EMD: variants seen among roughly 807,000 people sequenced by gnomAD.
EMD encodes the protein emerin.
In EMD, 2 loss-of-function variants were observed where a neutral mutation model predicts 15.2. That is an observed-to-expected ratio of 0.13 (90% CI 0.05 to 0.41). The LOEUF is 0.41. Ranked by LOEUF, EMD falls within the 10% of genes least tolerant of loss-of-function variation. EMD has a pLI of 0.99. For synonymous variants in EMD, 122 were observed against 86.2 expected (o/e 1.42, Z -2.30); for missense variants, 224 against 213.4 (o/e 1.05, Z -0.31).
rs782375610 is a variant in EMD at position 154,380,718 on chromosome X, C to G, written c.400-35C>G. ...ACATGACAGGGCCATGGTGGCCCTG[C>G]CAGCCAGTCCCCTCGCCCTGACTCT... On this transcript the variant is annotated intron_variant, in intron 4 of 5. Transcript: ENST00000369842. The G allele has an allele frequency of 3.3e-6, 4 of 1,207,092 alleles. No homozygotes were observed. In the African/African-American group the frequency reaches 7.0e-5, roughly 21 times the overall value.
chrX:154,381,320 C>A lies in EMD; in HGVS notation c.*123C>A. 1.1e-6 allele frequency: 1 copy of A among 949,883 alleles called. No homozygotes were observed. The highest frequency in any genetic ancestry group is 1.4e-6 in the Non-Finnish European group (1 of 700,179). 78.3% of individuals were successfully genotyped at this position (949,883 alleles called of 1,213,427 possible). A position where few individuals can be genotyped will look rare whatever the true frequency, so the allele number is the denominator to read the frequency against. On this transcript the variant is annotated 3_prime_UTR_variant, in exon 6 of 6. Coordinates refer to ENST00000369842, the MANE Select transcript of EMD (RefSeq NM_000117.3). ...GCTTTATGTGTTTTTGCTTGGGGGG[C>A]GCTGGGCCTAGCCCAGAGTAGTGCT... is the stretch of plus-strand genomic sequence containing the variant.
rs2067886244 is a variant in EMD at position 154,381,119 on chromosome X, G to A, written c.687G>A (p.Leu229=). 8.3e-7 allele frequency: 1 copy of A among 1,212,018 alleles called. No homozygotes were observed. Among genetic ancestry groups the A allele is most frequent in the South Asian group, 1.8e-5 (1 of 56,999 alleles). ...GCCAGGTCCCGCTCTGGGGCCAGCT[G>A]CTGCTTTTCCTGGTCTTTGTGATCG... ...QDRQVPLWGQ[L]LLFLVFVIVL... is the part of the protein sequence containing the mutation. Residue 229 remains leucine, a synonymous_variant, in exon 6 of 6, where the codon CTG becomes CTA. Transcript: ENST00000369842.
In EMD at chrX:154,379,686, C is replaced by T; in HGVS notation, c.83-4C>T. 1 of 1,208,873 alleles carries T rather than the reference C, an allele frequency of 8.3e-7. No individual in the cohort carries two copies. Among genetic ancestry groups the T allele is most frequent in the South Asian group, 1.8e-5 (1 of 56,920 alleles). ...GCGGCCCTGACCGCCCCGTGTCCGGCCAGGATCAACTCGTAGGCTTTACGA... is the reference window on the plus strand; with the variant it reads ...GCGGCCCTGACCGCCCCGTGTCCGGTCAGGATCAACTCGTAGGCTTTACGA... On this transcript the variant is annotated splice_region_variant and splice_polypyrimidine_tract_variant and intron_variant, in intron 1 of 5. Transcript: ENST00000369842.
At chrX:154,380,444 G>A in intron 4 of EMD, 77 bp downstream of exon 4, 3 of 1,196,185 alleles carry the variant, frequency 2.5e-6, no homozygotes, top group Middle Eastern at 2.3e-4. Flanking sequence ...ATCCAGGGGG[G>A]CACTGGGTAC....
chrX:154,381,183 G>A lies in EMD; in HGVS notation c.751G>A (p.Gly251Ser). 1 of 1,196,624 alleles carries A rather than the reference G, an allele frequency of 8.4e-7. No homozygotes were observed. Residue 251 changes from glycine to serine, a missense_variant, in exon 6 of 6, where the codon GGC becomes AGC. Physicochemically the swap from Gly to Ser is moderately conservative, Grantham distance 56. Transcript: ENST00000369842. ...TTACCACTTCATGCAGGCTGAAGAA[G>A]GCAACCCCTTCTAGAGGGAGCCATG... ...FIYHFMQAEE[G>S]NPF is the part of the protein sequence containing the mutation.
In EMD at chrX:154,379,443, GC is replaced by G; in HGVS notation, c.-39del. On this transcript the variant is annotated 5_prime_UTR_variant, in exon 1 of 6. Coordinates refer to ENST00000369842, the MANE Select transcript of EMD (RefSeq NM_000117.3). ...GCCGTTGCTCGGCCGGTTTTGGTAG[GC>G]CCGGGCCGCCGCCAGGCCTCCGCCT... 1 of 1,156,904 alleles carries G rather than the reference GC, an allele frequency of 8.6e-7. No homozygotes were observed. Among genetic ancestry groups the G allele is most frequent in the Non-Finnish European group, 1.2e-6 (1 of 865,895 alleles).
At chrX:154,379,625 C>G in intron 1 of EMD, 59 bp downstream of exon 1, 1 of 1,196,622 alleles carries the variant, frequency 8.4e-7, no homozygotes, top group East Asian at 3.0e-5. Context: ...GCCTCGCGAC[C>G]TCCCCGCTGC....
chrX:154,379,590 C>T (rs1472809422), intron 1 of EMD, 24 bp downstream of exon 1: 4 of 1,173,776 alleles, frequency 3.4e-6, no homozygotes, highest in Non-Finnish European at 4.6e-6. Flanking sequence ...GGCGGGACCC[C>T]TTCCGGGCCC....
chrX:154,379,591 T>C (rs1557182231), intron 1 of EMD, 25 bp downstream of exon 1: 1 of 1,173,781 alleles, frequency 8.5e-7, no homozygotes, highest in Non-Finnish European at 1.1e-6. Context: ...GCGGGACCCC[T>C]TCCGGGCCCC....
chrX:154,379,538 G>A lies in EMD; in HGVS notation c.54G>A (p.Arg18=), dbSNP rs1557182200. The change falls in exon 1 of 6, where the codon CGG becomes CGA. Residue 18 remains arginine, a synonymous_variant. Transcript: ENST00000369842. ...CCGAGCTGACCACCTTGCTGCGCCGGTACAACATCCCGCACGGGCCTGTAG... is the reference window on the plus strand; with the variant it reads ...CCGAGCTGACCACCTTGCTGCGCCGATACAACATCCCGCACGGGCCTGTAG... ...SDTELTTLLR[R]YNIPHGPVVG... is the part of the protein sequence containing the mutation. 8.5e-7 allele frequency: 1 copy of A among 1,170,780 alleles called. No individual in the cohort carries two copies.
At position 154,380,886 on chromosome X, in the gene EMD, C is replaced by A. The variant is rs376456050; in HGVS notation, c.454C>A (p.Arg152Ser). The change falls in exon 6 of 6, where the codon CGC (arginine) becomes AGC (serine). Residue 152 changes from arginine (R) to serine (S), a missense_variant. By Grantham distance (110) the Arg-to-Ser change is moderately radical. Coordinates refer to ENST00000369842, the MANE Select transcript of EMD (RefSeq NM_000117.3). ...TGCTCCCCTCTTTTGCCTCAGGGAA[C>A]GCCCCATGTACGGCCGGGACAGTGC... ...SSEEECKDRERPMYGRDSAYQ... is the reference protein window; with the variant it reads ...SSEEECKDRESPMYGRDSAYQ... 6 of 1,210,546 alleles carry A rather than the reference C, an allele frequency of 5.0e-6. No individual in the cohort carries two copies. Among genetic ancestry groups the A allele is most frequent in the Non-Finnish European group, 6.7e-6 (6 of 895,238 alleles).
chrX:154,379,960 G>A lies in EMD; in HGVS notation c.206G>A (p.Gly69Glu), dbSNP rs782578669. ...AATCCAGACTTGAATTCGACTAGAG[G>A]GGATGCAGATATGTATGATCTTCCC... ...YSFSDLNSTR[G>E]DADMYDLPKK... The change falls in exon 3 of 6, where the codon GGG becomes GAG. Residue 69 changes from glycine to glutamate, a missense_variant. Physicochemically the swap from Gly to Glu is moderately conservative, Grantham distance 98. Coordinates refer to ENST00000369842, the MANE Select transcript of EMD (RefSeq NM_000117.3). 2.5e-6 allele frequency: 3 copies of A among 1,209,395 alleles called. No individual in the cohort carries two copies. Among genetic ancestry groups the A allele is most frequent in the Admixed American group, 4.4e-5 (2 of 45,816 alleles).
At chrX:154,379,909 G>T (rs781912915) in intron 2 of EMD, 33 bp from the exon 3 acceptor site, 1 of 1,198,809 alleles carries the variant, frequency 8.3e-7, no homozygotes, top group Non-Finnish European at 1.1e-6. Flanking sequence ...AGTCTGGGGG[G>T]GCAAACAGTT....
chrX:154,379,768 C>T lies in EMD; in HGVS notation c.161C>T (p.Ser54Phe). The change falls in exon 2 of 6, where the codon TCC becomes TTC. Residue 54 changes from serine (S) to phenylalanine (F), a missense_variant. By Grantham distance (155) the Ser-to-Phe change is radical (BLOSUM62 -2). Transcript: ENST00000369842. ...QRRRLSPPSS[S>F]AASSYSFSDL... Reference sequence around the variant, plus strand: ...CGGCGGCTCTCGCCCCCCAGCTCGTCCGCCGCCTCCTCTTATAGCTTCTCT... The same window carrying T: ...CGGCGGCTCTCGCCCCCCAGCTCGTTCGCCGCCTCCTCTTATAGCTTCTCT... The T allele has an allele frequency of 8.3e-7, 1 of 1,205,763 alleles. No individual in the cohort carries two copies. The highest frequency in any genetic ancestry group is 1.1e-6 in the Non-Finnish European group (1 of 892,863).
In EMD at chrX:154,379,794, G is replaced by A. The variant is rs1557182319; in HGVS notation, c.187G>A (p.Asp63Asn). Residue 63 changes from aspartate (D) to asparagine (N), a missense_variant and splice_region_variant, in exon 2 of 6, where the codon GAC becomes AAC. Transcript: ENST00000369842. The stretch of plus-strand genomic sequence containing the variant: ...CGCCGCCTCCTCTTATAGCTTCTCT[G>A]GTGAGAGCCTCGCCTGTGGGGACAG... ...SSAASSYSFS[D>N]LNSTRGDADM... is the part of the protein sequence containing the mutation. 8.3e-7 allele frequency: 1 copy of A among 1,202,781 alleles called. No homozygotes were observed. Among genetic ancestry groups the A allele is most frequent in the Non-Finnish European group, 1.1e-6 (1 of 889,267 alleles).
chrX:154,379,914 A>G, intron 2 of EMD, 28 bp from the exon 3 acceptor site: 1 of 1,203,247 alleles, frequency 8.3e-7, no homozygotes, highest in East Asian at 3.0e-5. Context: ...GGGGGGGCAA[A>G]CAGTTCTGTC....
Position 154,380,268 on chromosome X carries a change from C to T in EMD, c.300C>T (p.Phe100=), listed in dbSNP as rs782434595. ...YNDDYYEESY[F]TTRTYGEPES... ...ACGACTACTATGAAGAGAGCTACTT[C>T]ACCACCAGGACTTATGGGGAGCCCG... Residue 100 remains phenylalanine, a synonymous_variant, in exon 4 of 6, where the codon TTC becomes TTT. Transcript: ENST00000369842. 8.3e-7 allele frequency: 1 copy of T among 1,211,601 alleles called. No individual in the cohort carries two copies. The highest frequency in any genetic ancestry group is 1.8e-5 in the South Asian group (1 of 57,046).
intron 4 of EMD, 162 bp downstream of exon 4, chrX:154,380,529 C>G: frequency 2.1e-6 from 2 of 939,388 alleles, no homozygotes; most frequent in Admixed American, 2.6e-5. Context: ...GGCTCAGACT[C>G]TTCCTGAGAG....
Position 154,379,543 on chromosome X carries a change from A to G in EMD, c.59A>G (p.Asn20Ser). The change falls in exon 1 of 6, where the codon AAC (asparagine) becomes AGC (serine). Residue 20 changes from asparagine to serine, a missense_variant. By Grantham distance (46) the Asn-to-Ser change is conservative. Transcript: ENST00000369842. ...TELTTLLRRY[N>S]IPHGPVVGST... ...CTGACCACCTTGCTGCGCCGGTACA[A>G]CATCCCGCACGGGCCTGTAGTAGGT... The G allele has an allele frequency of 4.3e-6, 5 of 1,170,105 alleles. No individual in the cohort carries two copies. Among genetic ancestry groups the G allele is most frequent in the Non-Finnish European group, 5.7e-6 (5 of 874,167 alleles).
Sources: gnomAD v4.1 joint callset for allele counts on GRCh38, gnomAD v4.1.1 for gene constraint, MANE v1.5 for transcripts, NCBI Gene and HGNC (gene_info 2026-07-23, HGNC 2026-07-21) for gene names.